The following PIWIL3 variants were observed in gnomAD, a reference collection of about 807,000 sequenced individuals.
PIWIL3 encodes piwi like RNA-mediated gene silencing 3, also known as piwi-like protein 3.
A neutral mutation model predicts 109.7 loss-of-function variants in PIWIL3; 101 were observed. The observed-to-expected ratio is 0.92, with a 90% confidence interval of 0.78 to 1.09. The LOEUF (loss-of-function observed/expected upper bound fraction) is 1.09. Among genes scored for constraint, PIWIL3 ranks in the 50% least tolerant of loss-of-function variants. The pLI is 0.00. For missense variants in PIWIL3, 1,031 were observed against 1,072.6 expected (o/e 0.96, Z 0.54); for synonymous variants, 373 against 376.4 (o/e 0.99, Z 0.10).
At chr22:24,723,346 C>A (rs572537514) in intron 18 of PIWIL3, 91 bp from the exon 19 acceptor site, 13 of 1,339,616 alleles carry the variant, frequency 9.7e-6, no homozygotes, top group Admixed American at 9.5e-5. Context: ...ACATTTAGGA[C>A]CCATTAAGAA....
rs1923098979 is a variant in PIWIL3, at chr22:24,728,018, G to A, written c.1941C>T (p.Phe647=). ...QRTMFVGIDC[F]HDIVNRQKSI... ...ATTTCTGTCGATTTACGATATCGTG[G>A]AAACAATCAATGCCAACGAACATTG... Residue 647 remains phenylalanine (F), a synonymous_variant, in exon 16 of 21, where the codon TTC becomes TTT. Coordinates refer to ENST00000616349, the MANE Select transcript of PIWIL3 (RefSeq NM_001255975.1). 6.2e-7 allele frequency: 1 copy of A among 1,614,088 alleles called. No individual in the cohort carries two copies. Among genetic ancestry groups the A allele is most frequent in the South Asian group, 1.1e-5 (1 of 91,086 alleles).
At chr22:24,770,465 G>A (rs1382391664) in intron 1 of PIWIL3, among the ~76,000 whole-genome samples, 1 of 151,782 alleles carries the variant, frequency 6.6e-6, no homozygotes, top group East Asian at 1.9e-4. Flanking sequence ...GACACTCCTT[G>A]TACCATGGTA....
chr22:24,758,131 G>A lies in PIWIL3; in HGVS notation c.224-92C>T, dbSNP rs1334687046. Reference sequence around the variant, plus strand: ...ACCCAGCATAAGTTTGTTAGAGGTAGAAAAGATGCCACCCAAGGTTCCAAA... The same window carrying A: ...ACCCAGCATAAGTTTGTTAGAGGTAAAAAAGATGCCACCCAAGGTTCCAAA... On this transcript the variant is annotated intron_variant, in intron 3 of 20. Transcript: ENST00000616349. 30 of 1,388,300 alleles carry A rather than the reference G, an allele frequency of 2.2e-5. No individual in the cohort carries two copies. The East Asian group carries it at 7.3e-4, about 34-fold the overall frequency. 86.0% of individuals were successfully genotyped at this position (1,388,300 alleles called of 1,614,324 possible). A position where few individuals can be genotyped will look rare whatever the true frequency, so the allele number is the denominator to read the frequency against.
At chr22:24,744,397 CTG>C (rs2147684408) in intron 12 of PIWIL3, among the ~76,000 whole-genome samples, 1 of 151,882 alleles carries the variant, frequency 6.6e-6, no homozygotes, top group African/African-American at 2.4e-5. Flanking sequence ...ATGGTGAAAC[CTG>C]TCTCTACTAA....
At chr22:24,758,538 A>G (rs1925227007) in intron 3 of PIWIL3, among the ~76,000 whole-genome samples, 1 of 152,258 alleles carries the variant, frequency 6.6e-6, no homozygotes, top group Non-Finnish European at 1.5e-5. Flanking sequence ...TACAAAGTTA[A>G]CATTTAAATG....
At chr22:24,740,389 A>G (rs2147675555) in intron 12 of PIWIL3, among the ~76,000 whole-genome samples, 1 of 151,340 alleles carries the variant, frequency 6.6e-6, no homozygotes, top group East Asian at 2.0e-4. Context: ...TCTACTAAAA[A>G]CACAAAAAAT....
rs2147694669 is a variant in PIWIL3, at chr22:24,749,411, G to A, written c.1327C>T (p.Leu443=). The change falls in exon 11 of 21, where the codon CTA becomes TTA. Residue 443 remains leucine, a synonymous_variant. Coordinates refer to ENST00000616349, the MANE Select transcript of PIWIL3 (RefSeq NM_001255975.1). ...CAGAAAAGCAGCACTTACTCTTGTA[G>A]AGTATTGATGAATTCTTTTAATGTA... ...HHTLKEFINT[L]QDNKKVRELL... 1 of 1,613,790 alleles carries A rather than the reference G, an allele frequency of 6.2e-7. No homozygotes were observed.
intron 12 of PIWIL3, among the ~76,000 whole-genome samples, chr22:24,740,547 CAAAA>C (rs528700128): frequency 8.9e-6 from 1 of 112,482 alleles, no homozygotes. Flanking sequence ...GACTCCATCT[CAAAA>C]AAAAAAAAAA....
At chr22:24,749,151 C>T (rs1290417495) in intron 11 of PIWIL3, 130 bp from the exon 12 acceptor site, 4 of 854,604 alleles carry the variant, frequency 4.7e-6, no homozygotes, top group Non-Finnish European at 7.1e-6. Flanking sequence ...GCGGCAGTAC[C>T]TTCCCTGAAA....
At chr22:24,742,151 C>CAAAAAA (rs61071998) in intron 12 of PIWIL3, among the ~76,000 whole-genome samples, 142 of 94,544 alleles carry the variant, frequency 1.5e-3, no homozygotes, top group East Asian at 4.4e-3. Flanking sequence ...ACAATAGCTG[C>CAAAAAA]AAAAAAAAAA....
chr22:24,740,079 C>T (rs1212741745), intron 12 of PIWIL3, among the ~76,000 whole-genome samples: 3 of 150,364 alleles, frequency 2.0e-5, no homozygotes, highest in Non-Finnish European at 4.4e-5. Flanking sequence ...ATTAGCCGGG[C>T]ATGGTGACAG....
intron 12 of PIWIL3, among the ~76,000 whole-genome samples, chr22:24,748,641 CT>C (rs1285825529): frequency 6.6e-6 from 1 of 151,448 alleles, no homozygotes; most frequent in East Asian, 1.9e-4. Flanking sequence ...GTACTTGACT[CT>C]TAAGGATATA....
At chr22:24,752,343 T>C (rs12167803) in intron 8 of PIWIL3, among the ~76,000 whole-genome samples, 1 of 152,160 alleles carries the variant, frequency 6.6e-6, no homozygotes, top group Admixed American at 6.5e-5. Context: ...CCCTTCTCCT[T>C]GTCCCTGCCA....
At chr22:24,730,380 A>G (rs1437035033) in intron 14 of PIWIL3, among the ~76,000 whole-genome samples, 1 of 151,768 alleles carries the variant, frequency 6.6e-6, no homozygotes, top group African/African-American at 2.4e-5. Context: ...AAAAAAAAAA[A>G]AAAGCATTAC....
chr22:24,770,247 A>G (rs1397558668), intron 1 of PIWIL3, among the ~76,000 whole-genome samples: 1 of 152,260 alleles, frequency 6.6e-6, no homozygotes, highest in Non-Finnish European at 1.5e-5. Flanking sequence ...TCAGTTTTCC[A>G]TAGTAAAAGT....
At chr22:24,757,887 T>C (rs761660954) in intron 4 of PIWIL3, 21 bp downstream of exon 4, 10 of 1,572,816 alleles carry the variant, frequency 6.4e-6, no homozygotes, top group Non-Finnish European at 7.7e-6. Context: ...TCCATAAACA[T>C]TGAGTTCTAG....
chr22:24,761,973 A>G (rs149693895), intron 2 of PIWIL3: 10 of 989,508 alleles, frequency 1.0e-5, no homozygotes, highest in African/African-American at 1.7e-5. Flanking sequence ...TGCTGTGTGA[A>G]TGTAAAGTGG....
chr22:24,723,260 A>C lies in PIWIL3; in HGVS notation c.2232-5T>G. 1 of 1,607,688 alleles carries C rather than the reference A, an allele frequency of 6.2e-7. No homozygotes were observed. The highest frequency in any genetic ancestry group is 1.1e-5 in the South Asian group (1 of 90,938). On this transcript the variant is annotated splice_polypyrimidine_tract_variant and splice_region_variant and intron_variant, in intron 18 of 20. Coordinates refer to ENST00000616349, the MANE Select transcript of PIWIL3 (RefSeq NM_001255975.1). The stretch of plus-strand genomic sequence containing the variant: ...ACAATGAAAGCTAGAGTGAAACTTA[A>C]AAAAATTAGGGTAAGTGTCACTATG...
chr22:24,735,916 G>C (rs771521192), intron 12 of PIWIL3, 24 bp from the exon 13 acceptor site: 71 of 1,539,720 alleles, frequency 4.6e-5, no homozygotes, highest in Non-Finnish European at 5.9e-5. Context: ...ATAAGACATG[G>C]CATAAAACTT....
Sources: gnomAD v4.1 joint callset for allele counts (sites outside exome capture counted in the v4.1 genomes callset) on GRCh38, gnomAD v4.1.1 for gene constraint, MANE v1.5 for transcripts, NCBI Gene and HGNC (gene_info 2026-07-23, HGNC 2026-07-21) for gene names.